ZNF804A: variants seen among roughly 807,000 people sequenced by gnomAD.
The protein encoded by ZNF804A is zinc finger protein 804A.
A neutral mutation model predicts 16.5 loss-of-function variants in ZNF804A; 2 were observed. That is an observed-to-expected ratio of 0.12 (90% CI 0.05 to 0.38). The LOEUF (loss-of-function observed/expected upper bound fraction) is 0.38, where lower values mean the gene tolerates loss of function less well. ZNF804A is among the 10% of genes least tolerant of loss of function. The pLI, the probability that ZNF804A is intolerant of heterozygous loss-of-function variation, is 0.99. For synonymous variants in ZNF804A, 534 were observed against 489.6 expected, an observed-to-expected ratio of 1.09 and a Z score of -1.20; for missense variants, 1,473 against 1,390.7, an observed-to-expected ratio of 1.06 and a Z score of -0.94.
intron 1 of ZNF804A, among the ~76,000 whole-genome samples, chr2:184,618,158 G>A (rs1691356126): frequency 6.6e-6 from 1 of 151,990 alleles, no homozygotes; most frequent in South Asian, 2.1e-4. Context: ...ATTAGAATTA[G>A]GAAACACGTT....
At chr2:184,723,194 T>G (rs537273051) in intron 1 of ZNF804A, among the ~76,000 whole-genome samples, 1 of 151,930 alleles carries the variant, frequency 6.6e-6, no homozygotes, top group African/African-American at 2.4e-5. Flanking sequence ...AAACTTATTC[T>G]AAAATATATG....
chr2:184,875,511 G>T (rs573987808), intron 2 of ZNF804A, among the ~76,000 whole-genome samples: 53 of 152,228 alleles, frequency 3.5e-4, no homozygotes, highest in African/African-American at 1.3e-3. Context: ...GTCCTCACCA[G>T]AAGCAGATGC....
chr2:184,903,538 C>T (rs1048821546), intron 2 of ZNF804A, among the ~76,000 whole-genome samples: 5 of 152,084 alleles, frequency 3.3e-5, no homozygotes, highest in African/African-American at 4.8e-5. Context: ...TGCACAGTGA[C>T]AAAATCACCT....
intron 1 of ZNF804A, among the ~76,000 whole-genome samples, chr2:184,774,987 C>G (rs1399129542): frequency 6.6e-6 from 1 of 151,478 alleles, no homozygotes; most frequent in East Asian, 1.9e-4. Flanking sequence ...TTTCGAAAAG[C>G]AACATAAATA....
At chr2:184,810,484 CTT>C (rs1175105602) in intron 1 of ZNF804A, among the ~76,000 whole-genome samples, 1 of 95,992 alleles carries the variant, frequency 1.0e-5, no homozygotes. Flanking sequence ...TGTTCTTTTC[CTT>C]TTTTTTTTTT....
At chr2:184,917,037 G>A (rs2105834743) in intron 2 of ZNF804A, among the ~76,000 whole-genome samples, 1 of 152,176 alleles carries the variant, frequency 6.6e-6, no homozygotes, top group African/African-American at 2.4e-5. Flanking sequence ...TTCACTCAAA[G>A]TCTACTGATT....
intron 2 of ZNF804A, among the ~76,000 whole-genome samples, chr2:184,874,713 GTCTCTT>G (rs1342824176): frequency 8.6e-5 from 13 of 152,006 alleles, no homozygotes; most frequent in African/African-American, 3.1e-4. Flanking sequence ...ATATTTCCAT[GTCTCTT>G]TCTCTTTTAT....
chr2:184,851,797 C>T (rs1265665616), intron 1 of ZNF804A, among the ~76,000 whole-genome samples: 1 of 151,664 alleles, frequency 6.6e-6, no homozygotes, highest in African/African-American at 2.4e-5. Flanking sequence ...ATTTACATAC[C>T]CACCAACAGA....
At chr2:184,870,624 C>T (rs1301930145) in intron 2 of ZNF804A, among the ~76,000 whole-genome samples, 1 of 151,866 alleles carries the variant, frequency 6.6e-6, no homozygotes, top group Non-Finnish European at 1.5e-5. Flanking sequence ...TAAAAAAATA[C>T]ACAATTTAGA....
chr2:184,907,322 T>C (rs1286848924), intron 2 of ZNF804A, among the ~76,000 whole-genome samples: 1 of 152,218 alleles, frequency 6.6e-6, no homozygotes, highest in East Asian at 1.9e-4. Flanking sequence ...TCATTGTTTC[T>C]GACTTGGAAA....
intron 1 of ZNF804A, among the ~76,000 whole-genome samples, chr2:184,814,882 A>AT (rs1694958464): frequency 6.6e-6 from 1 of 152,042 alleles, no homozygotes; most frequent in Non-Finnish European, 1.5e-5. Context: ...TATAAGAGAA[A>AT]TTCTGGCCTA....
intron 1 of ZNF804A, among the ~76,000 whole-genome samples, chr2:184,656,317 C>T (rs1482641628): frequency 6.6e-6 from 1 of 152,090 alleles, no homozygotes; most frequent in African/African-American, 2.4e-5. Context: ...GTAATACTTT[C>T]CCTACTAAAT....
chr2:184,741,316 G>T (rs1245562091), intron 1 of ZNF804A, among the ~76,000 whole-genome samples: 1 of 152,182 alleles, frequency 6.6e-6, no homozygotes, highest in Non-Finnish European at 1.5e-5. Flanking sequence ...TTCAGTACAA[G>T]TTGCAGACAG....
At chr2:184,931,408 T>A (rs979913733) in intron 2 of ZNF804A, among the ~76,000 whole-genome samples, 11 of 152,228 alleles carry the variant, frequency 7.2e-5, no homozygotes, top group African/African-American at 2.7e-4. Context: ...TCCCAAACTT[T>A]GATTCTTGAA....
intron 1 of ZNF804A, among the ~76,000 whole-genome samples, chr2:184,849,775 T>C (rs1441866173): frequency 6.6e-6 from 1 of 152,038 alleles, no homozygotes; most frequent in African/African-American, 2.4e-5. Context: ...CCTATGCTTA[T>C]TGCATCACTA....
At chr2:184,650,558 G>T (rs747618918) in intron 1 of ZNF804A, among the ~76,000 whole-genome samples, 23 of 151,924 alleles carry the variant, frequency 1.5e-4, no homozygotes, top group Non-Finnish European at 2.8e-4. Flanking sequence ...TACTCAAAAA[G>T]CCCTAAAGAC....
intron 1 of ZNF804A, among the ~76,000 whole-genome samples, chr2:184,825,262 A>C (rs933223801): frequency 6.6e-6 from 1 of 152,180 alleles, no homozygotes; most frequent in African/African-American, 2.4e-5. Flanking sequence ...TAATTCAGTC[A>C]TTAAGAAAAG....
At chr2:184,718,276 T>G (rs1473619736) in intron 1 of ZNF804A, among the ~76,000 whole-genome samples, 1 of 152,218 alleles carries the variant, frequency 6.6e-6, no homozygotes, top group East Asian at 1.9e-4. Flanking sequence ...AGTCACCTCC[T>G]ACTGAGTCCC....
At chr2:184,871,443 A>G (rs914997334) in intron 2 of ZNF804A, among the ~76,000 whole-genome samples, 1 of 151,076 alleles carries the variant, frequency 6.6e-6, no homozygotes, top group Admixed American at 6.6e-5. Flanking sequence ...AAAAAAACTC[A>G]ATTTAGATTT....
Sources: allele counts gnomAD v4.1 joint callset (sites outside exome capture counted in the v4.1 genomes callset), GRCh38; gene constraint gnomAD v4.1.1; transcripts MANE v1.5; gene names NCBI Gene and HGNC (gene_info 2026-07-23, HGNC 2026-07-21).